P3H2: variants seen among roughly 807,000 people sequenced by gnomAD.
P3H2 encodes prolyl 3-hydroxylase 2.
P3H2 carries 80 observed loss-of-function variants against 87.0 expected under a neutral mutation model. The observed-to-expected ratio is 0.92, with a 90% CI of 0.77 to 1.11. P3H2 has a LOEUF of 1.11. P3H2 is among the 50% of genes least tolerant of loss of function. The probability of loss-of-function intolerance (pLI) is 0.00; values close to 1 mark genes in which losing one functional copy is unlikely to be tolerated. For missense variants in P3H2, 1,001 were observed against 923.9 expected, an observed-to-expected ratio of 1.08 and a Z score of -1.08; for synonymous variants, 367 against 359.3, an observed-to-expected ratio of 1.02 and a Z score of -0.24.
intron 1 of P3H2, among the ~76,000 whole-genome samples, chr3:190,037,783 G>A (rs1032733875): frequency 3.5e-5 from 4 of 114,358 alleles, no homozygotes; most frequent in Non-Finnish European, 8.1e-5. Flanking sequence ...GTCACATATT[G>A]CAGACACTCA....
intron 1 of P3H2, among the ~76,000 whole-genome samples, chr3:190,096,770 A>G (rs1215559343): frequency 1.3e-5 from 2 of 152,178 alleles, no homozygotes; most frequent in Non-Finnish European, 2.9e-5. Context: ...AGGTCTCCAT[A>G]TATTAAAGAG....
chr3:190,070,159 A>G (rs1425007305), intron 1 of P3H2, among the ~76,000 whole-genome samples: 1 of 152,178 alleles, frequency 6.6e-6, no homozygotes, highest in Non-Finnish European at 1.5e-5. Flanking sequence ...AATAGGTCAG[A>G]TCCAGGGATT....
In P3H2 at chr3:189,963,978, C is replaced by T. The variant is rs1339275479; in HGVS notation, c.2014G>A (p.Asp672Asn). 6.2e-7 allele frequency: 1 copy of T among 1,614,136 alleles called. No homozygotes were observed. The highest frequency in any genetic ancestry group is 1.7e-5 in the Admixed American group (1 of 60,020). ...CTCACCAATTCTCTATAAAGTGGGT[C>T]CAAGGTGAACCACAGAGCCACAGCA... ...RCAVALWFTL[D>N]PLYRELERIQ... Residue 672 changes from aspartate to asparagine, a missense_variant, in exon 14 of 15, where the codon GAC becomes AAC. Physicochemically the swap from Asp to Asn is conservative, Grantham distance 23. Transcript: ENST00000319332.
At chr3:189,986,311 G>T (rs184932632) in intron 6 of P3H2, among the ~76,000 whole-genome samples, 2 of 152,204 alleles carry the variant, frequency 1.3e-5, no homozygotes, top group African/African-American at 4.8e-5. Context: ...ATGGCCGGGT[G>T]CGGCGGCTCA....
chr3:189,965,048 AAAAGT>A (rs1207396755), intron 13 of P3H2, among the ~76,000 whole-genome samples: 1 of 152,220 alleles, frequency 6.6e-6, no homozygotes, highest in East Asian at 1.9e-4. Flanking sequence ...TATAGTTCAG[AAAAGT>A]AAAGTAAAAC....
chr3:189,986,654 C>T (rs1232518025), intron 6 of P3H2, 134 bp downstream of exon 6: 2 of 702,920 alleles, frequency 2.8e-6, no homozygotes, highest in Non-Finnish European at 5.2e-6. Flanking sequence ...CTCCCACCCC[C>T]AATTTTTACC....
intron 1 of P3H2, among the ~76,000 whole-genome samples, chr3:190,065,026 G>A (rs1388979850): frequency 6.6e-6 from 1 of 152,108 alleles, no homozygotes; most frequent in Non-Finnish European, 1.5e-5. Context: ...TCCATAATTG[G>A]AGGACTCCCT....
intron 1 of P3H2, among the ~76,000 whole-genome samples, chr3:190,012,188 G>A (rs1392718630): frequency 7.0e-6 from 1 of 143,636 alleles, no homozygotes; most frequent in Non-Finnish European, 1.5e-5. Flanking sequence ...AAAAAGGTGT[G>A]TGCCTGTGTG....
chr3:190,007,279 G>T (rs888802517), intron 1 of P3H2, among the ~76,000 whole-genome samples: 3 of 152,198 alleles, frequency 2.0e-5, no homozygotes, highest in African/African-American at 7.2e-5. Context: ...AGAGAAGTAA[G>T]TTGGTCAAAG....
At chr3:189,959,376 G>C (rs1274680246) in intron 14 of P3H2, among the ~76,000 whole-genome samples, 4 of 149,392 alleles carry the variant, frequency 2.7e-5, no homozygotes, top group Non-Finnish European at 4.4e-5. Context: ...TCTAGCATTA[G>C]GTATATCTCC....
chr3:190,029,993 A>G (rs1309158344), intron 1 of P3H2, among the ~76,000 whole-genome samples: 1 of 140,446 alleles, frequency 7.1e-6, no homozygotes, highest in Non-Finnish European at 1.6e-5. Context: ...CAAGAGTTAA[A>G]CTCCGTCTCA....
In P3H2 at chr3:189,956,763, A is replaced by G. The variant is rs1196326456; in HGVS notation, c.*1149T>C. On this transcript the variant is annotated 3_prime_UTR_variant, in exon 15 of 15. Transcript: ENST00000319332. The stretch of plus-strand genomic sequence containing the variant: ...CCTCCCTTTATTAAACAAATCAGAC[A>G]CAAGCACAAATCTGTGTGCTGGATA... 2 of 203,514 alleles carry G rather than the reference A, an allele frequency of 9.8e-6. No homozygotes were observed. Among genetic ancestry groups the G allele is most frequent in the Admixed American group, 5.9e-5 (1 of 16,818 alleles). The allele number at this position is 203,514 out of a possible 1,614,324, so 12.6% of individuals were successfully genotyped here.
intron 1 of P3H2, among the ~76,000 whole-genome samples, chr3:190,008,515 A>G (rs1724465883): frequency 6.6e-6 from 1 of 152,186 alleles, no homozygotes; most frequent in Non-Finnish European, 1.5e-5. Flanking sequence ...GTGAAATTAT[A>G]TTCGGTGGTT....
Position 190,054,632 on chromosome 3 carries a change from A to G in P3H2, c.481-59190T>C, listed in dbSNP as rs114049594. Among the ~76,000 whole-genome samples, 341 of 152,218 alleles carry G rather than the reference A, an allele frequency of 2.2e-3. 2 individuals carry two copies. Among genetic ancestry groups the G allele is most frequent in the African/African-American group, 7.9e-3 (328 of 41,530 alleles). ...AGCTCATTTATCTATGGAGAGTCCT[A>G]ACTGCTTTAAAGATTGTTCTCACGT... On this transcript the variant is annotated intron_variant, in intron 1 of 14. Coordinates refer to ENST00000319332, the MANE Select transcript of P3H2 (RefSeq NM_018192.4).
intron 1 of P3H2, among the ~76,000 whole-genome samples, chr3:190,005,038 T>A (rs890682067): frequency 6.6e-6 from 1 of 152,186 alleles, no homozygotes; most frequent in Non-Finnish European, 1.5e-5. Flanking sequence ...AAAAATCATA[T>A]GTCACAAATC....
intron 1 of P3H2, among the ~76,000 whole-genome samples, chr3:190,042,776 G>A (rs1379719845): frequency 6.6e-6 from 1 of 152,132 alleles, no homozygotes; most frequent in Non-Finnish European, 1.5e-5. Flanking sequence ...ACTGTTCTTA[G>A]AAACAAGAGT....
intron 1 of P3H2, among the ~76,000 whole-genome samples, chr3:190,113,397 T>C (rs1712148621): frequency 6.6e-6 from 1 of 152,246 alleles, no homozygotes; most frequent in Non-Finnish European, 1.5e-5. Flanking sequence ...TTACATTTCT[T>C]GAACAAAATA....
Position 189,983,091 on chromosome 3 carries a change from T to A in P3H2, c.1279A>T (p.Met427Leu), listed in dbSNP as rs573407054. Reference sequence around the variant, plus strand: ...ATCTTGGGTGATAGCTTTTTTCCCATTGAGAATCCATGAACTTCTGCTCCC... The same window carrying A: ...ATCTTGGGTGATAGCTTTTTTCCCAATGAGAATCCATGAACTTCTGCTCCC... ...VEGAEVHGFSMGKKLSPKIDR... is the reference protein window; with the variant it reads ...VEGAEVHGFSLGKKLSPKIDR... The change falls in exon 8 of 15, where the codon ATG becomes TTG. Residue 427 changes from methionine (M) to leucine (L), a missense_variant. Transcript: ENST00000319332. 6.2e-7 allele frequency: 1 copy of A among 1,613,838 alleles called. No individual in the cohort carries two copies. The highest frequency in any genetic ancestry group is 2.2e-5 in the East Asian group (1 of 44,878).
intron 13 of P3H2, chr3:189,969,101 G>C: frequency 1.9e-6 from 1 of 517,316 alleles, no homozygotes; most frequent in Non-Finnish European, 3.6e-6. Context: ...CCTATCTGAG[G>C]TATGGCAGTG....
Sources: allele counts gnomAD v4.1 joint callset (sites outside exome capture counted in the v4.1 genomes callset), GRCh38; gene constraint gnomAD v4.1.1; transcripts MANE v1.5; gene names NCBI Gene and HGNC (gene_info 2026-07-23, HGNC 2026-07-21).